The following ZNF76 variants were observed in gnomAD, a reference collection of about 807,000 sequenced individuals.
ZNF76 encodes the protein zinc finger protein 76, also known as zinc finger protein 523.
Under a neutral mutation model 66.9 loss-of-function variants are expected in ZNF76, and 66 were observed. The observed-to-expected ratio is 0.99, with a 90% CI of 0.81 to 1.21. The LOEUF (loss-of-function observed/expected upper bound fraction) is 1.21. Among genes scored for constraint, ZNF76 ranks in the 50% most tolerant of loss-of-function variants. The pLI is 0.00. For missense variants in ZNF76, 729 were observed against 760.3 expected (o/e 0.96, Z 0.48); for synonymous variants, 275 against 296.1 (o/e 0.93, Z 0.73).
intron 2 of ZNF76, among the ~76,000 whole-genome samples, chr6:35,283,576 T>G (rs1789098217): frequency 6.6e-6 from 1 of 152,212 alleles, no homozygotes; most frequent in South Asian, 2.1e-4. Context: ...ATGAGGCCCT[T>G]GTCAGTCAGC....
In ZNF76 at chr6:35,267,004, T is replaced by A. The variant is rs549754479; in HGVS notation, c.-97+7163T>A. 2.2e-4 allele frequency among the ~76,000 whole-genome samples: 33 copies of A among 152,034 alleles called. No homozygotes were observed. In the East Asian group the frequency reaches 5.8e-3, roughly 27 times the overall value. On this transcript the variant is annotated intron_variant, in intron 1 of 13. Transcript: ENST00000373953. Reference sequence around the variant, plus strand: ...TTAGTAGAGACGGGGTTTCACCGTGTTAACCAGGATGGTCTCTATCTCCTG... The same window carrying A: ...TTAGTAGAGACGGGGTTTCACCGTGATAACCAGGATGGTCTCTATCTCCTG...
At chr6:35,295,053 CAAA>C in intron 13 of ZNF76, 88 bp from the exon 14 acceptor site, 3 of 843,644 alleles carry the variant, frequency 3.6e-6, no homozygotes, top group South Asian at 2.0e-5. Context: ...GGGGGAGAGT[CAAA>C]AAAAAAAGTA....
At position 35,264,947 on chromosome 6, in the gene ZNF76, A is replaced by G. The variant is rs6936907; in HGVS notation, c.-97+5106A>G. ...GAAAGAGGGACTGAGGGCTGGAGAGAGACCAGAGCTCTACTAGGGTCTTCC... is the reference window on the plus strand; with the variant it reads ...GAAAGAGGGACTGAGGGCTGGAGAGGGACCAGAGCTCTACTAGGGTCTTCC... On this transcript the variant is annotated intron_variant, in intron 1 of 13. Coordinates refer to ENST00000373953, the MANE Select transcript of ZNF76 (RefSeq NM_003427.5). 5.7e-3 allele frequency among the ~76,000 whole-genome samples: 867 copies of G among 152,202 alleles called. 8 individuals are homozygous for G. The highest frequency in any genetic ancestry group is 0.017 in the African/African-American group (686 of 41,520).
chr6:35,294,030 C>A, intron 12 of ZNF76, 115 bp downstream of exon 12: 1 of 1,280,068 alleles, frequency 7.8e-7, no homozygotes, highest in Non-Finnish European at 1.1e-6. Context: ...AGATTCCCCA[C>A]AAAAGAAGGG....
At chr6:35,274,374 A>G (rs969314307) in intron 1 of ZNF76, among the ~76,000 whole-genome samples, 6 of 152,248 alleles carry the variant, frequency 3.9e-5, no homozygotes, top group African/African-American at 1.4e-4. Flanking sequence ...AGACAATAGA[A>G]TAGCGAACAG....
chr6:35,287,653 T>C lies in ZNF76; in HGVS notation c.240T>C (p.Tyr80=). The change falls in exon 5 of 14, where the codon TAT becomes TAC. Residue 80 remains tyrosine (Y), a synonymous_variant. Transcript: ENST00000373953. This position sits in a 1 kb window ranked among gnomAD's most constrained non-coding sequence, Gnocchi z 4.0. The stretch of plus-strand genomic sequence containing the variant: ...ACCGCGTGTTCCCTGCAGAAGGCTA[T>C]GACCCCAGCACCCTGGAAGCCGTCC... The part of the protein sequence containing the change: ...AYIHRTPREG[Y]DPSTLEAVQL... 1 of 1,610,832 alleles carries C rather than the reference T, an allele frequency of 6.2e-7. No individual in the cohort carries two copies. Among genetic ancestry groups the C allele is most frequent in the East Asian group, 2.2e-5 (1 of 44,860 alleles).
intron 2 of ZNF76, among the ~76,000 whole-genome samples, chr6:35,281,613 A>T (rs1296280636): frequency 6.6e-6 from 1 of 152,066 alleles, no homozygotes; most frequent in Non-Finnish European, 1.5e-5. Flanking sequence ...AAACATTCAA[A>T]CTACTAAGCA....
chr6:35,278,645 A>C (rs887017015), intron 1 of ZNF76, among the ~76,000 whole-genome samples: 6 of 152,372 alleles, frequency 3.9e-5, no homozygotes, highest in African/African-American at 1.2e-4. Context: ...TCCAGATTCC[A>C]AGTCCAGGAG....
Position 35,295,606 on chromosome 6 carries a change from C to G in ZNF76, c.*358C>G. 1 of 341,860 alleles carries G rather than the reference C, an allele frequency of 2.9e-6. No homozygotes were observed. The highest frequency in any genetic ancestry group is 5.8e-6 in the Non-Finnish European group (1 of 171,814). The allele number at this position is 341,860 out of a possible 1,614,324, so 21.2% of individuals were successfully genotyped here. ...AGATTGGGGCTGCTATGGGGACTGG[C>G]CCTGTAGGGTTGAGCCACAGACAGC... is the stretch of plus-strand genomic sequence containing the variant. On this transcript the variant is annotated 3_prime_UTR_variant, in exon 14 of 14. Transcript: ENST00000373953.
At chr6:35,266,125 T>TA (rs930893753) in intron 1 of ZNF76, among the ~76,000 whole-genome samples, 2 of 151,444 alleles carry the variant, frequency 1.3e-5, no homozygotes, top group African/African-American at 4.8e-5. Flanking sequence ...CTGGATGTGA[T>TA]ATATAAAAGA....
intron 1 of ZNF76, among the ~76,000 whole-genome samples, chr6:35,266,485 A>G (rs955069058): frequency 3.9e-5 from 6 of 152,192 alleles, no homozygotes; most frequent in Admixed American, 6.5e-5. Context: ...AGGTTGTTAG[A>G]AGGAGGAGAT....
intron 4 of ZNF76, 170 bp downstream of exon 4, chr6:35,286,569 G>C: frequency 1.5e-6 from 1 of 670,198 alleles, no homozygotes; most frequent in Non-Finnish European, 2.7e-6. Flanking sequence ...ACCTTCCCTG[G>C]TGCAGACCAC....
At chr6:35,294,977 C>T in intron 13 of ZNF76, 167 bp from the exon 14 acceptor site, 1 of 611,884 alleles carries the variant, frequency 1.6e-6, no homozygotes, top group Non-Finnish European at 2.9e-6. Flanking sequence ...TAATAGGACT[C>T]TTCATCCGTG....
Position 35,292,059 on chromosome 6 carries a change from A to G in ZNF76, c.931+322A>G, listed in dbSNP as rs1324713014. 2.1e-6 allele frequency: 1 copy of G among 471,632 alleles called. No individual in the cohort carries two copies. Among genetic ancestry groups the G allele is most frequent in the South Asian group, 2.3e-5 (1 of 43,174 alleles). 29.2% of individuals were successfully genotyped at this position (471,632 alleles called of 1,614,324 possible). A position where few individuals can be genotyped will look rare whatever the true frequency, so the allele number is the denominator to read the frequency against. ...AGGCCAGGGTCAGGAATGATGGGGA[A>G]GAAGCAGAGTGAACTGTCACCTTCA... On this transcript the variant is annotated intron_variant, in intron 9 of 13. Coordinates refer to ENST00000373953, the MANE Select transcript of ZNF76 (RefSeq NM_003427.5). The surrounding 1 kb of genome is among the most constrained non-coding windows in gnomAD (Gnocchi z 4.7).
intron 12 of ZNF76, 119 bp from the exon 13 acceptor site, chr6:35,294,337 G>A (rs917635564): frequency 7.0e-6 from 5 of 709,838 alleles, no homozygotes; most frequent in African/African-American, 5.3e-5. Context: ...TGACCCATAC[G>A]GTTTTATCCA....
At position 35,279,998 on chromosome 6, in the gene ZNF76, AT is replaced by A. The variant is rs71002551; in HGVS notation, c.-96-1045del. Among the ~76,000 whole-genome samples the A allele has an allele frequency of 2.4e-4, 35 of 146,396 alleles. 1 individual carries two copies. Among genetic ancestry groups the A allele is most frequent in the African/African-American group, 5.5e-4 (22 of 39,860 alleles). On this transcript the variant is annotated intron_variant, in intron 1 of 13. Coordinates refer to ENST00000373953, the MANE Select transcript of ZNF76 (RefSeq NM_003427.5). Reference sequence around the variant, plus strand: ...AGGCATGTGCCACTACACCTGGCTAATTTTTTTTTTTTTGTAGAGACAATGT... The same window carrying A: ...AGGCATGTGCCACTACACCTGGCTAATTTTTTTTTTTTGTAGAGACAATGT...
In ZNF76 at chr6:35,291,423, C is replaced by T. The variant is rs1790362823; in HGVS notation, c.751+20C>T. 3 of 1,614,006 alleles carry T rather than the reference C, an allele frequency of 1.9e-6. No homozygotes were observed. In the African/African-American group the frequency reaches 4.0e-5, roughly 22 times the overall value. ...ACACTGGTATGCTGGGCCCTGCCCA[C>T]TCCAACCCCATTCCCTGGGCAAAAG... On this transcript the variant is annotated intron_variant, in intron 8 of 13. Coordinates refer to ENST00000373953, the MANE Select transcript of ZNF76 (RefSeq NM_003427.5).
intron 1 of ZNF76, among the ~76,000 whole-genome samples, chr6:35,274,439 A>G (rs1787586975): frequency 6.6e-6 from 1 of 152,200 alleles, no homozygotes; most frequent in African/African-American, 2.4e-5. Flanking sequence ...GGTCTCAACC[A>G]TGATAAAGTG....
At chr6:35,280,169 C>T (rs1201458018) in intron 1 of ZNF76, among the ~76,000 whole-genome samples, 1 of 152,128 alleles carries the variant, frequency 6.6e-6, no homozygotes, top group Non-Finnish European at 1.5e-5. Context: ...CAGCAGGCCT[C>T]TACAGGCTCC....
Sources: allele counts gnomAD v4.1 joint callset (sites outside exome capture counted in the v4.1 genomes callset), GRCh38; gene constraint gnomAD v4.1.1; non-coding constraint Gnocchi (gnomAD v3.1); transcripts MANE v1.5; gene names NCBI Gene and HGNC (gene_info 2026-07-23, HGNC 2026-07-21).